Variants in IFT80 observed in about 807,000 individuals in gnomAD.
IFT80 encodes the protein intraflagellar transport protein 80 homolog.
In IFT80, 79 loss-of-function variants were observed where a neutral mutation model predicts 107.9. The ratio of observed to expected loss-of-function variants is 0.73; its 90% CI spans 0.61 to 0.88. The LOEUF (loss-of-function observed/expected upper bound fraction) is 0.88. IFT80 is among the 40% of genes least tolerant of loss of function. The pLI is 0.00. For missense variants in IFT80, 797 were observed against 914.2 expected, an observed-to-expected ratio of 0.87 and a Z score of 1.65; for synonymous variants, 299 against 300.9, an observed-to-expected ratio of 0.99 and a Z score of 0.07.
At chr3:160,323,883 A>C (rs1718470592) in intron 8 of IFT80, among the ~76,000 whole-genome samples, 1 of 152,108 alleles carries the variant, frequency 6.6e-6, no homozygotes, top group Non-Finnish European at 1.5e-5. Flanking sequence ...GACCACTAGC[A>C]AGACTAATAA....
intron 8 of IFT80, chr3:160,343,103 A>C (rs566123446): frequency 6.6e-6 from 1 of 152,338 alleles, no homozygotes; most frequent in East Asian, 1.9e-4. Flanking sequence ...TTCAATTCAT[A>C]AAATTGTACA....
At chr3:160,358,077 G>C (rs1236214403) in intron 6 of IFT80, among the ~76,000 whole-genome samples, 3 of 152,014 alleles carry the variant, frequency 2.0e-5, no homozygotes, top group Admixed American at 1.3e-4. Context: ...GATGTGATCA[G>C]GGCAACTGCA....
chr3:160,277,865 A>G (rs1559915045), intron 16 of IFT80, among the ~76,000 whole-genome samples, 195 bp from the exon 17 acceptor site: 1 of 152,186 alleles, frequency 6.6e-6, no homozygotes, highest in Non-Finnish European at 1.5e-5. Context: ...TACACAGAAA[A>G]CTTTTGAATG....
Position 160,334,505 on chromosome 3 carries a change from C to A in IFT80, c.778-14566G>T, listed in dbSNP as rs1191431195. Reference sequence around the variant, plus strand: ...GATCTCAGCTCACTGCAACCTCCGCCTCCCAGGTTCAAGCAATTCTGCTGC... The same window carrying A: ...GATCTCAGCTCACTGCAACCTCCGCATCCCAGGTTCAAGCAATTCTGCTGC... On this transcript the variant is annotated intron_variant, in intron 8 of 19. Coordinates refer to ENST00000326448, the MANE Select transcript of IFT80 (RefSeq NM_020800.3). 2.6e-5 allele frequency among the ~76,000 whole-genome samples: 4 copies of A among 151,970 alleles called. No homozygotes were observed. The East Asian group carries it at 7.7e-4, about 29-fold the overall frequency.
At chr3:160,366,198 A>T in intron 5 of IFT80, 46 bp from the exon 6 acceptor site, 1 of 1,298,582 alleles carries the variant, frequency 7.7e-7, no homozygotes, top group Non-Finnish European at 1.1e-6. Flanking sequence ...AACTTTAATT[A>T]TTATGCCTTA....
intron 8 of IFT80, among the ~76,000 whole-genome samples, chr3:160,321,097 T>C (rs1718180071): frequency 6.6e-6 from 1 of 151,854 alleles, no homozygotes; most frequent in Admixed American, 6.6e-5. Context: ...ACCATAACCT[T>C]TGCTTCATCA....
At chr3:160,314,503 A>G (rs146007272) in intron 9 of IFT80, among the ~76,000 whole-genome samples, 80 of 152,316 alleles carry the variant, frequency 5.3e-4, no homozygotes, top group Admixed American at 1.5e-3. Context: ...GGTAGGGCAA[A>G]TAAGTCTACT....
At chr3:160,354,386 A>G (rs988318829) in intron 8 of IFT80, among the ~76,000 whole-genome samples, 1 of 152,198 alleles carries the variant, frequency 6.6e-6, no homozygotes, top group Non-Finnish European at 1.5e-5. Flanking sequence ...TGGGTGGCTC[A>G]CAGCTGTAAT....
chr3:160,356,004 A>G lies in IFT80; in HGVS notation c.777+9T>C, dbSNP rs753249200. 2 of 1,613,900 alleles carry G rather than the reference A, an allele frequency of 1.2e-6. No individual in the cohort carries two copies. Among genetic ancestry groups the G allele is most frequent in the East Asian group, 2.2e-5 (1 of 44,874 alleles). ...AGCACATCTGTGATTGCTCACCACTATAACTTACCCCAGTTTTATCACACA... is the reference window on the plus strand; with the variant it reads ...AGCACATCTGTGATTGCTCACCACTGTAACTTACCCCAGTTTTATCACACA... On this transcript the variant is annotated intron_variant, in intron 8 of 19. Coordinates refer to ENST00000326448, the MANE Select transcript of IFT80 (RefSeq NM_020800.3).
intron 3 of IFT80, among the ~76,000 whole-genome samples, chr3:160,378,683 T>C (rs1011971275): frequency 7.8e-4 from 117 of 149,728 alleles, no homozygotes; most frequent in African/African-American, 2.7e-3. Context: ...TTGATGGGGC[T>C]CCCACTGGCC....
intron 1 of IFT80, among the ~76,000 whole-genome samples, chr3:160,388,852 C>T (rs993895055): frequency 1.3e-5 from 2 of 152,236 alleles, no homozygotes; most frequent in Admixed American, 6.5e-5. Context: ...AAAGACTCAA[C>T]TGGCCATTGC....
At chr3:160,266,531 G>A (rs940693926) in intron 19 of IFT80, among the ~76,000 whole-genome samples, 2 of 151,826 alleles carry the variant, frequency 1.3e-5, no homozygotes, top group African/African-American at 4.8e-5. Context: ...CTACAAGCAT[G>A]AGCCACCATG....
At chr3:160,366,512 T>G (rs1160861068) in intron 5 of IFT80, among the ~76,000 whole-genome samples, 1 of 152,076 alleles carries the variant, frequency 6.6e-6, no homozygotes, top group East Asian at 1.9e-4. Context: ...TCATGATTTA[T>G]CATTTCCCAT....
intron 12 of IFT80, among the ~76,000 whole-genome samples, chr3:160,292,141 C>T (rs1442244250): frequency 3.3e-5 from 5 of 152,182 alleles, no homozygotes; most frequent in Non-Finnish European, 7.3e-5. Flanking sequence ...TGAATAGATG[C>T]CGAGTCCGCA....
intron 2 of IFT80, chr3:160,383,418 T>C (rs1712680889): frequency 4.3e-6 from 4 of 938,060 alleles, no homozygotes; most frequent in Non-Finnish European, 5.1e-6. Context: ...AACAAGATAA[T>C]ATAAATGAAA....
intron 8 of IFT80, among the ~76,000 whole-genome samples, chr3:160,323,153 G>A (rs1718390993): frequency 6.7e-6 from 1 of 148,526 alleles, no homozygotes; most frequent in African/African-American, 2.5e-5. Flanking sequence ...TTTCTTCTAG[G>A]GTTTTTATGG....
At chr3:160,266,736 T>C (rs1024183502) in intron 19 of IFT80, among the ~76,000 whole-genome samples, 12 of 152,112 alleles carry the variant, frequency 7.9e-5, no homozygotes, top group African/African-American at 2.7e-4. Context: ...ATTGAAAAAA[T>C]ATTGATGGCG....
chr3:160,346,442 C>T (rs1720300193), intron 8 of IFT80, among the ~76,000 whole-genome samples: 1 of 152,226 alleles, frequency 6.6e-6, no homozygotes, highest in South Asian at 2.1e-4. Context: ...AAGTCCAATG[C>T]TGGGCATTCT....
intron 8 of IFT80, among the ~76,000 whole-genome samples, chr3:160,346,876 T>C (rs1720331508): frequency 6.6e-6 from 1 of 152,208 alleles, no homozygotes; most frequent in Non-Finnish European, 1.5e-5. Flanking sequence ...ATTCCAGTGA[T>C]ACAAGCCTCA....
Sources: gnomAD v4.1 joint callset for allele counts (sites outside exome capture counted in the v4.1 genomes callset) on GRCh38, gnomAD v4.1.1 for gene constraint, MANE v1.5 for transcripts, NCBI Gene and HGNC (gene_info 2026-07-23, HGNC 2026-07-21) for gene names.